The following TENM3 variants were observed in gnomAD, a reference collection of about 807,000 sequenced individuals.
TENM3 encodes the protein teneurin transmembrane protein 3.
In TENM3, 63 loss-of-function variants were observed where a neutral mutation model predicts 255.1. That is an observed-to-expected ratio of 0.25 (90% CI 0.20 to 0.30). TENM3 has a LOEUF of 0.30. TENM3 is among the 10% of genes least tolerant of loss of function. The pLI, the probability that TENM3 is intolerant of heterozygous loss-of-function variation, is 1.00. For synonymous variants in TENM3, 1,306 were observed against 1,322.3 expected (o/e 0.99, Z 0.27); for missense variants, 2,929 against 3,461.1 (o/e 0.85, Z 3.86).
At chr4:182,679,151 A>G (rs1378238876) in intron 7 of TENM3, among the ~76,000 whole-genome samples, 1 of 152,162 alleles carries the variant, frequency 6.6e-6, no homozygotes, top group Non-Finnish European at 1.5e-5. Context: ...TGGCACGTGT[A>G]TACCTATGTA....
the TENM3 span, among the ~76,000 whole-genome samples, chr4:182,118,499 T>C: frequency 2.1e-3 from 323 of 152,236 alleles, 2 homozygotes; most frequent in Non-Finnish European, 3.2e-3. Context: ...CAAGTTGATC[T>C]TGAACTCCTG....
At chr4:181,493,032 A>T in the TENM3 span, among the ~76,000 whole-genome samples, 5 of 151,990 alleles carry the variant, frequency 3.3e-5, no homozygotes, top group Admixed American at 2.0e-4. Flanking sequence ...AAAAAAAAAA[A>T]TTTGGAATGA....
chr4:182,570,463 G>C (rs538982157), intron 3 of TENM3, among the ~76,000 whole-genome samples: 23 of 152,318 alleles, frequency 1.5e-4, no homozygotes, highest in African/African-American at 4.8e-4. Context: ...GACCCAGAGA[G>C]AATATTTAGC....
intron 3 of TENM3, among the ~76,000 whole-genome samples, chr4:182,528,626 T>C (rs1739468189): frequency 6.6e-6 from 1 of 152,182 alleles, no homozygotes; most frequent in South Asian, 2.1e-4. Flanking sequence ...TTTATTACGG[T>C]AAATTATGCA....
At chr4:181,580,154 T>C in the TENM3 span, among the ~76,000 whole-genome samples, 2,617 of 151,986 alleles carry the variant, frequency 0.017, 69 homozygotes, top group African/African-American at 0.06. Context: ...TGTGCCACCA[T>C]GCCTGGCTAA....
chr4:181,502,310 G>A, the TENM3 span, among the ~76,000 whole-genome samples: 1 of 152,100 alleles, frequency 6.6e-6, no homozygotes, highest in South Asian at 2.1e-4. Context: ...TGTAGCACAT[G>A]GGCCAACATC....
At chr4:181,853,672 A>T in the TENM3 span, among the ~76,000 whole-genome samples, 2 of 152,232 alleles carry the variant, frequency 1.3e-5, no homozygotes, top group African/African-American at 4.8e-5. Context: ...ATGTGGAGGC[A>T]TCTGTTGACT....
At chr4:181,624,890 G>A in the TENM3 span, among the ~76,000 whole-genome samples, 15 of 152,202 alleles carry the variant, frequency 9.9e-5, no homozygotes, top group African/African-American at 3.1e-4. Flanking sequence ...TCTGGTAGTT[G>A]ATCTTGGCTG....
intron 3 of TENM3, among the ~76,000 whole-genome samples, chr4:182,463,053 G>C (rs886824234): frequency 6.6e-6 from 1 of 151,974 alleles, no homozygotes; most frequent in Non-Finnish European, 1.5e-5. Context: ...CCGTGTGCAG[G>C]TTCTGCATCC....
At chr4:182,617,919 A>G (rs2152444986) in intron 4 of TENM3, among the ~76,000 whole-genome samples, 1 of 152,306 alleles carries the variant, frequency 6.6e-6, no homozygotes, top group East Asian at 1.9e-4. Context: ...TTACTACACA[A>G]GATAAGTATT....
the TENM3 span, among the ~76,000 whole-genome samples, chr4:181,758,756 C>T: frequency 2.6e-5 from 4 of 152,152 alleles, no homozygotes; most frequent in Non-Finnish European, 5.9e-5. Flanking sequence ...AAGCCAGCAC[C>T]TACATCGGGC....
chr4:181,467,469 G>A, the TENM3 span, among the ~76,000 whole-genome samples: 4 of 151,572 alleles, frequency 2.6e-5, no homozygotes, highest in African/African-American at 9.7e-5. Flanking sequence ...TGTTATCCAA[G>A]GGATTAGATC....
the TENM3 span, among the ~76,000 whole-genome samples, chr4:182,114,944 G>A: frequency 0.15 from 22,596 of 152,078 alleles, 1,904 homozygotes; most frequent in Non-Finnish European, 0.19. Flanking sequence ...CACTTTGCAA[G>A]ACTGAGGCAG....
rs567671598 is a variant in TENM3, at chr4:182,234,965, C to G, written c.-75-88981C>G. ...TGCATTTTAAAGGGTGCATGGAAAA[C>G]AGGCCTGGGAAGGACATTTTAGACC... is the stretch of plus-strand genomic sequence containing the variant. On this transcript the variant is annotated intron_variant, in intron 1 of 2. Transcript: ENST00000512480. Among the ~76,000 whole-genome samples the G allele has an allele frequency of 2.6e-5, 4 of 152,064 alleles. No individual in the cohort carries two copies. The South Asian group carries it at 8.3e-4, about 32-fold the overall frequency.
the TENM3 span, among the ~76,000 whole-genome samples, chr4:181,968,734 T>C: frequency 6.6e-6 from 1 of 152,254 alleles, no homozygotes; most frequent in African/African-American, 2.4e-5. Context: ...GATTAAGTTC[T>C]AGAGATCTTT....
chr4:181,848,007 T>C, the TENM3 span, among the ~76,000 whole-genome samples: 3 of 152,156 alleles, frequency 2.0e-5, no homozygotes, highest in African/African-American at 7.2e-5. Context: ...GAGAGTTGTT[T>C]TGGTTATTTT....
the TENM3 span, among the ~76,000 whole-genome samples, chr4:181,865,593 A>G: frequency 0.8 from 122,248 of 152,186 alleles, 51,815 homozygotes; most frequent in Non-Finnish European, 0.94. Context: ...CTGAAGGCCC[A>G]CTAAAGCACT....
intron 1 of TENM3, among the ~76,000 whole-genome samples, chr4:182,286,710 A>G (rs1186929509): frequency 6.6e-6 from 1 of 152,122 alleles, no homozygotes; most frequent in East Asian, 1.9e-4. Context: ...AATTCCAGGT[A>G]ATACGAAAAA....
intron 6 of TENM3, among the ~76,000 whole-genome samples, chr4:182,671,144 C>T (rs1455151708): frequency 3.3e-5 from 5 of 152,266 alleles, no homozygotes; most frequent in East Asian, 3.9e-4. Context: ...GAGAGCCAGA[C>T]GCTGCAGCTT....
Sources: gnomAD v4.1 joint callset for allele counts (sites outside exome capture counted in the v4.1 genomes callset) on GRCh38, gnomAD v4.1.1 for gene constraint, MANE v1.5 for transcripts, NCBI Gene and HGNC (gene_info 2026-07-23, HGNC 2026-07-21) for gene names.